The following ROBO1 variants were observed in gnomAD, a reference collection of about 807,000 sequenced individuals.
The protein encoded by ROBO1 is roundabout guidance receptor 1.
In ROBO1, 149 loss-of-function variants were observed where a neutral mutation model predicts 195.9. That is an observed-to-expected ratio of 0.76 (90% CI 0.67 to 0.87). The LOEUF (loss-of-function observed/expected upper bound fraction) is 0.87. ROBO1 is among the 40% of genes least tolerant of loss of function. ROBO1 has a pLI of 0.00. For synonymous variants in ROBO1, 816 were observed against 733.2 expected, an observed-to-expected ratio of 1.11 and a Z score of -1.82; for missense variants, 1,933 against 2,068.3, an observed-to-expected ratio of 0.93 and a Z score of 1.27.
At chr3:78,625,960 C>T (rs1704745507) in intron 26 of ROBO1, among the ~76,000 whole-genome samples, 1 of 151,800 alleles carries the variant, frequency 6.6e-6, no homozygotes, top group Non-Finnish European at 1.5e-5. Flanking sequence ...AGAAGGAGAA[C>T]TGAATGAAGA....
chr3:78,710,508 A>G (rs1208492779), intron 8 of ROBO1, among the ~76,000 whole-genome samples: 2 of 152,224 alleles, frequency 1.3e-5, no homozygotes, highest in Non-Finnish European at 2.9e-5. Flanking sequence ...CAATAAAGCT[A>G]TCAATAATAA....
intron 4 of ROBO1, among the ~76,000 whole-genome samples, chr3:78,797,347 T>A (rs17311169): frequency 0.26 from 38,843 of 152,108 alleles, 5,120 homozygotes; most frequent in Non-Finnish European, 0.28. Flanking sequence ...TTGGCTCAGT[T>A]ATTTTGAATT....
chr3:79,766,733 C>T (rs1705018913), intron 1 of ROBO1, among the ~76,000 whole-genome samples: 1 of 152,084 alleles, frequency 6.6e-6, no homozygotes, highest in Non-Finnish European at 1.5e-5. Context: ...ACGCTGGAAC[C>T]GAAGGCTCAT....
chr3:79,057,995 A>G (rs2078844237), intron 3 of ROBO1, among the ~76,000 whole-genome samples: 1 of 152,032 alleles, frequency 6.6e-6, no homozygotes, highest in Non-Finnish European at 1.5e-5. Flanking sequence ...TGGGCTGCTT[A>G]TCTTCCGGAG....
chr3:78,934,645 G>A (rs1053249262), intron 4 of ROBO1, among the ~76,000 whole-genome samples: 18 of 151,872 alleles, frequency 1.2e-4, no homozygotes, highest in Admixed American at 1.3e-4. Flanking sequence ...TCTAAGCTAC[G>A]GTGCTGATAT....
At chr3:79,419,873 T>C (rs1380814857) in intron 2 of ROBO1, among the ~76,000 whole-genome samples, 1 of 152,092 alleles carries the variant, frequency 6.6e-6, no homozygotes, top group Non-Finnish European at 1.5e-5. Context: ...GACCTTAACA[T>C]CATTTCATAA....
At chr3:78,653,968 T>G (rs1706840038) in intron 18 of ROBO1, among the ~76,000 whole-genome samples, 1 of 152,228 alleles carries the variant, frequency 6.6e-6, no homozygotes, top group African/African-American at 2.4e-5. Context: ...AGAGAGACTT[T>G]AAGACCAAAC....
intron 2 of ROBO1, among the ~76,000 whole-genome samples, chr3:79,266,644 T>C (rs184504155): frequency 6.6e-6 from 1 of 151,722 alleles, no homozygotes; most frequent in Admixed American, 6.6e-5. Flanking sequence ...CACAAACTGT[T>C]ACCTGATAGA....
intron 2 of ROBO1, among the ~76,000 whole-genome samples, chr3:79,244,287 T>C (rs2082579730): frequency 6.6e-6 from 1 of 152,088 alleles, no homozygotes; most frequent in African/African-American, 2.4e-5. Flanking sequence ...CAGAGCCATA[T>C]ATTGCCCATA....
At chr3:78,770,418 T>A (rs770636022) in intron 4 of ROBO1, among the ~76,000 whole-genome samples, 12 of 152,240 alleles carry the variant, frequency 7.9e-5, no homozygotes, top group Non-Finnish European at 1.5e-4. Flanking sequence ...GCTGCTTATA[T>A]GTTTTCTCTT....
chr3:79,640,145 G>C (rs907725357), intron 1 of ROBO1, among the ~76,000 whole-genome samples: 2 of 151,862 alleles, frequency 1.3e-5, no homozygotes, highest in Non-Finnish European at 2.9e-5. Flanking sequence ...TGCACATTCT[G>C]GTTTCACCTA....
intron 2 of ROBO1, among the ~76,000 whole-genome samples, chr3:79,350,667 C>T (rs564821546): frequency 6.6e-6 from 1 of 152,096 alleles, no homozygotes; most frequent in Admixed American, 6.6e-5. Flanking sequence ...AAACATCATG[C>T]TACATTAAAG....
At chr3:78,964,286 C>T (rs775115623) in intron 3 of ROBO1, among the ~76,000 whole-genome samples, 1 of 152,024 alleles carries the variant, frequency 6.6e-6, no homozygotes. Flanking sequence ...TCACAGATAC[C>T]AGCGGTTAGG....
chr3:78,920,726 T>C (rs1435373138), intron 4 of ROBO1, among the ~76,000 whole-genome samples: 2 of 146,050 alleles, frequency 1.4e-5, no homozygotes, highest in Non-Finnish European at 3.0e-5. Flanking sequence ...CCTCAACCTC[T>C]GGGCCGTCAA....
At chr3:79,183,457 T>C (rs1246571340) in intron 2 of ROBO1, among the ~76,000 whole-genome samples, 1 of 152,198 alleles carries the variant, frequency 6.6e-6, no homozygotes, top group Non-Finnish European at 1.5e-5. Flanking sequence ...AACAGCCTCT[T>C]GAGGAATGGA....
At position 79,303,159 on chromosome 3, in the gene ROBO1, G is replaced by GTTTTTTTTTTTTTTTTTTTT. The variant is rs368110549; in HGVS notation, c.89-177621_89-177620insAAAAAAAAAAAAAAAAAAAA. Reference sequence around the variant, plus strand: ...ATTAATATATGAATTATCTCACATAGGTTTTTTTTTTTTTTTTTTTTTTTG... The same window carrying GTTTTTTTTTTTTTTTTTTTT: ...ATTAATATATGAATTATCTCACATAGTTTTTTTTTTTTTTTTTTTTGTTTTTTTTTTTTTTTTTTTTTTTG... On this transcript the variant is annotated intron_variant, in intron 2 of 30. Coordinates refer to ENST00000464233, the MANE Select transcript of ROBO1 (RefSeq NM_002941.4). 2.8e-5 allele frequency among the ~76,000 whole-genome samples: 2 copies of GTTTTTTTTTTTTTTTTTTTT among 72,090 alleles called. 1 individual carries two copies. Among genetic ancestry groups the GTTTTTTTTTTTTTTTTTTTT allele is most frequent in the African/African-American group, 1.3e-4 (2 of 15,670 alleles). The allele number at this position is 72,090 out of a possible 152,430, so 47.3% of individuals were successfully genotyped here.
chr3:79,352,502 T>C (rs2035383254), intron 2 of ROBO1, among the ~76,000 whole-genome samples: 1 of 152,188 alleles, frequency 6.6e-6, no homozygotes, highest in African/African-American at 2.4e-5. Context: ...TCACAAGTTT[T>C]TGCCTGCACT....
chr3:78,997,167 T>C (rs997650003), intron 3 of ROBO1, among the ~76,000 whole-genome samples: 8 of 152,160 alleles, frequency 5.3e-5, no homozygotes, highest in African/African-American at 1.7e-4. Flanking sequence ...CAAACCCAGA[T>C]AGAGTTTTCT....
At chr3:79,434,493 A>C (rs1168330373) in intron 2 of ROBO1, among the ~76,000 whole-genome samples, 1 of 152,152 alleles carries the variant, frequency 6.6e-6, no homozygotes, top group African/African-American at 2.4e-5. Flanking sequence ...CCATCAGAGA[A>C]ATGCAAATCA....
Sources: gnomAD v4.1 joint callset for allele counts (sites outside exome capture counted in the v4.1 genomes callset) on GRCh38, gnomAD v4.1.1 for gene constraint, MANE v1.5 for transcripts, NCBI Gene and HGNC (gene_info 2026-07-23, HGNC 2026-07-21) for gene names.